Variants in FOXP1 observed in about 807,000 individuals in gnomAD.
FOXP1 encodes forkhead box P1.
Under a neutral mutation model 98.2 loss-of-function variants are expected in FOXP1, and 15 were observed. The observed-to-expected ratio is 0.15, with a 90% CI of 0.10 to 0.24. The LOEUF is 0.24. Ranked by LOEUF, FOXP1 falls within the 10% of genes least tolerant of loss-of-function variation. The pLI, the probability that FOXP1 is intolerant of heterozygous loss-of-function variation, is 1.00. For missense variants in FOXP1, 633 were observed against 848.5 expected, an observed-to-expected ratio of 0.75 and a Z score of 3.15; for synonymous variants, 371 against 314.5, an observed-to-expected ratio of 1.18 and a Z score of -1.90.
chr3:71,221,921 G>A (rs562847282), intron 5 of FOXP1, among the ~76,000 whole-genome samples: 27 of 152,292 alleles, frequency 1.8e-4, no homozygotes, highest in African/African-American at 6.0e-4. Context: ...TTGGGAGGCC[G>A]AGGCAGGCGG....
At chr3:71,266,331 C>T (rs938567017) in intron 5 of FOXP1, among the ~76,000 whole-genome samples, 1 of 152,078 alleles carries the variant, frequency 6.6e-6, no homozygotes, top group African/African-American at 2.4e-5. Context: ...CTCACTGCAA[C>T]CTCTGCCCCC....
chr3:71,316,051 G>A (rs2075056438), intron 4 of FOXP1, among the ~76,000 whole-genome samples: 1 of 152,204 alleles, frequency 6.6e-6, no homozygotes, highest in African/African-American at 2.4e-5. Context: ...TTCATTAGGA[G>A]GCAAGAGAGG....
chr3:71,134,309 C>CCCT (rs1233959324), intron 6 of FOXP1, among the ~76,000 whole-genome samples: 1 of 152,124 alleles, frequency 6.6e-6, no homozygotes, highest in Non-Finnish European at 1.5e-5. Flanking sequence ...CTCCCCAGGG[C>CCCT]CCTCTCTTAA....
chr3:71,000,794 AAAAATAAAATAAAATAAAAT>A lies in FOXP1; in HGVS notation c.1062+158_1062+177del, dbSNP rs59993750. Among the ~76,000 whole-genome samples the A allele has an allele frequency of 1.2e-4, 15 of 122,166 alleles. No homozygotes were observed. The East Asian group carries it at 2.0e-3, about 17-fold the overall frequency. 80.1% of individuals were successfully genotyped at this position (122,166 alleles called of 152,430 possible). ...GGGGCTGAACCTGCCCAAAGAGGTA[AAAAATAAAATAAAATAAAAT>A]AAAATAAAATAAAATAAAATAAAAT... On this transcript the variant is annotated intron_variant, in intron 13 of 20. Coordinates refer to ENST00000649528, the MANE Select transcript of FOXP1 (RefSeq NM_001349338.3).
intron 3 of FOXP1, among the ~76,000 whole-genome samples, chr3:71,395,274 C>T (rs745826777): frequency 6.6e-6 from 1 of 150,646 alleles, no homozygotes; most frequent in Non-Finnish European, 1.5e-5. Context: ...TAAAGCTCGG[C>T]GTCTTGCGAC....
chr3:71,017,711 T>A (rs1286845047), intron 11 of FOXP1, among the ~76,000 whole-genome samples: 1 of 152,172 alleles, frequency 6.6e-6, no homozygotes, highest in Non-Finnish European at 1.5e-5. Flanking sequence ...ATTCCTCTAT[T>A]TTGGACATTG....
At chr3:71,155,843 ACTC>A (rs1165990301) in intron 6 of FOXP1, among the ~76,000 whole-genome samples, 1 of 151,916 alleles carries the variant, frequency 6.6e-6, no homozygotes, top group Non-Finnish European at 1.5e-5. Context: ...ATCAGTGAAA[ACTC>A]CACATGTGAA....
At chr3:71,256,550 A>C (rs2068643164) in intron 5 of FOXP1, among the ~76,000 whole-genome samples, 1 of 151,804 alleles carries the variant, frequency 6.6e-6, no homozygotes, top group Admixed American at 6.6e-5. Context: ...CACCCAGCTA[A>C]TTTTTTTATT....
chr3:71,044,335 A>T (rs1283664808), intron 10 of FOXP1, among the ~76,000 whole-genome samples: 2 of 152,226 alleles, frequency 1.3e-5, no homozygotes, highest in South Asian at 4.1e-4. Context: ...ACATTTTAAA[A>T]ATTAAAAGGT....
At chr3:71,480,830 C>G (rs993758000) in intron 3 of FOXP1, among the ~76,000 whole-genome samples, 2 of 152,270 alleles carry the variant, frequency 1.3e-5, no homozygotes, top group Non-Finnish European at 2.9e-5. Context: ...AAAGAACTTC[C>G]TAGCCCTAAC....
chr3:71,581,400 G>C (rs1337459726), intron 2 of FOXP1, 149 bp downstream of exon 2: 1 of 985,300 alleles, frequency 1.0e-6, no homozygotes, highest in Non-Finnish European at 1.2e-6. Flanking sequence ...AGCACCTACC[G>C]GCCTGAGGAT....
intron 5 of FOXP1, chr3:71,296,013 A>C (rs2073250204): frequency 6.6e-6 from 1 of 152,152 alleles, no homozygotes; most frequent in Non-Finnish European, 1.5e-5. Flanking sequence ...TTTGTAAAGC[A>C]CTCAGATCTA....
At chr3:71,385,228 C>G (rs1345321475) in intron 3 of FOXP1, among the ~76,000 whole-genome samples, 1 of 152,076 alleles carries the variant, frequency 6.6e-6, no homozygotes, top group Non-Finnish European at 1.5e-5. Flanking sequence ...GAAAAGTTAA[C>G]ACATTTACTG....
At chr3:71,149,267 T>C (rs1314186172) in intron 6 of FOXP1, among the ~76,000 whole-genome samples, 1 of 152,212 alleles carries the variant, frequency 6.6e-6, no homozygotes, top group Non-Finnish European at 1.5e-5. Context: ...GAACAGTTCT[T>C]GGATTGAGAG....
At chr3:71,431,371 GACTTA>G (rs1309089650) in intron 3 of FOXP1, among the ~76,000 whole-genome samples, 2 of 152,124 alleles carry the variant, frequency 1.3e-5, no homozygotes, top group Admixed American at 6.6e-5. Context: ...TTTTCTCAGC[GACTTA>G]ACTTTTCACT....
intron 3 of FOXP1, among the ~76,000 whole-genome samples, chr3:71,460,169 C>T (rs1045542420): frequency 1.3e-5 from 2 of 151,930 alleles, no homozygotes; most frequent in African/African-American, 2.4e-5. Flanking sequence ...CTCCTGACCT[C>T]GTGATTCGTC....
chr3:71,070,127 AG>A (rs1323518313), intron 7 of FOXP1, among the ~76,000 whole-genome samples: 4 of 152,256 alleles, frequency 2.6e-5, no homozygotes, highest in African/African-American at 9.6e-5. Context: ...AGACAGAGAA[AG>A]GACATGTAAT....
At chr3:71,408,138 T>C (rs1352975583) in intron 3 of FOXP1, among the ~76,000 whole-genome samples, 1 of 152,174 alleles carries the variant, frequency 6.6e-6, no homozygotes, top group African/African-American at 2.4e-5. Flanking sequence ...ACGTCCCTAT[T>C]ATCAGAACCT....
intron 4 of FOXP1, among the ~76,000 whole-genome samples, chr3:71,356,380 G>A (rs2078162251): frequency 6.6e-6 from 1 of 152,100 alleles, no homozygotes; most frequent in East Asian, 1.9e-4. Flanking sequence ...TCCCAAGGCT[G>A]TACTTGCATT....
Sources: gnomAD v4.1 joint callset for allele counts (sites outside exome capture counted in the v4.1 genomes callset) on GRCh38, gnomAD v4.1.1 for gene constraint, MANE v1.5 for transcripts, NCBI Gene and HGNC (gene_info 2026-07-23, HGNC 2026-07-21) for gene names.